KCNAB2: variants seen among roughly 807,000 people sequenced by gnomAD.
The protein encoded by KCNAB2 is potassium voltage-gated channel subfamily A regulatory beta subunit 2, also known as voltage-gated potassium channel subunit beta-2.
Under a neutral mutation model 63.6 loss-of-function variants are expected in KCNAB2, and 29 were observed. That is an observed-to-expected ratio of 0.46 (90% confidence interval 0.34 to 0.62). The LOEUF is 0.62. Ranked by LOEUF, KCNAB2 falls within the 20% of genes least tolerant of loss-of-function variation. The probability of loss-of-function intolerance (pLI) is 0.01; values close to 1 mark genes in which losing one functional copy is unlikely to be tolerated. For synonymous variants in KCNAB2, 222 were observed against 224.2 expected (o/e 0.99, Z 0.09); for missense variants, 359 against 563.9 (o/e 0.64, Z 3.68).
intron 1 of KCNAB2, among the ~76,000 whole-genome samples, chr1:6,051,155 A>G (rs1661347928): frequency 6.6e-6 from 1 of 152,180 alleles, no homozygotes; most frequent in Non-Finnish European, 1.5e-5. Flanking sequence ...CCTGGTCTTC[A>G]GCATTTGGGG....
intron 2 of KCNAB2, among the ~76,000 whole-genome samples, chr1:6,067,080 C>T (rs769908138): frequency 1.3e-5 from 2 of 152,172 alleles, no homozygotes; most frequent in Middle Eastern, 3.2e-3. Context: ...CAAAGGGTCC[C>T]GGGAGCAGGG....
At chr1:6,054,964 C>T (rs117351412) in intron 2 of KCNAB2, among the ~76,000 whole-genome samples, 4 of 152,214 alleles carry the variant, frequency 2.6e-5, no homozygotes, top group East Asian at 3.9e-4. Flanking sequence ...TTCCTTTTGA[C>T]TTAGTTATAG....
chr1:5,997,627 C>G (rs11578721), intron 1 of KCNAB2, among the ~76,000 whole-genome samples: 1 of 152,208 alleles, frequency 6.6e-6, no homozygotes, highest in African/African-American at 2.4e-5. Flanking sequence ...ATTGCAATCT[C>G]AGGCCCTGGT....
In KCNAB2 at chr1:6,003,429, CG is replaced by C. The variant is rs2102548803; in HGVS notation, c.-53+10642del. 6.6e-6 allele frequency among the ~76,000 whole-genome samples: 1 copy of C among 152,346 alleles called. No homozygotes were observed. Among genetic ancestry groups the C allele is most frequent in the Non-Finnish European group, 1.5e-5 (1 of 68,036 alleles). On this transcript the variant is annotated intron_variant, in intron 1 of 16. Coordinates refer to the KCNAB2 transcript ENST00000341524. The surrounding 1 kb of genome is among the most constrained non-coding windows in gnomAD (Gnocchi z 4.1). The stretch of plus-strand genomic sequence containing the variant: ...CGGCTGCCTTCAGCCCCTGCAGACA[CG>C]CAGGCACCGTCCACCTTCTCCACTC...
At chr1:6,085,081 C>T (rs1664580444) in intron 5 of KCNAB2, 123 bp from the exon 6 acceptor site, 1 of 1,001,562 alleles carries the variant, frequency 1.0e-6, no homozygotes, top group South Asian at 1.4e-5. Flanking sequence ...CGGGTGTTAA[C>T]AGCCTGGCTC....
intron 1 of KCNAB2, among the ~76,000 whole-genome samples, chr1:6,007,082 T>C (rs1657840783): frequency 6.6e-6 from 1 of 152,158 alleles, no homozygotes; most frequent in African/African-American, 2.4e-5. Context: ...TTTCTGTCCC[T>C]GTGGCGGACA....
At chr1:6,079,734 T>C (rs1664039017) in intron 4 of KCNAB2, among the ~76,000 whole-genome samples, 1 of 151,952 alleles carries the variant, frequency 6.6e-6, no homozygotes, top group Non-Finnish European at 1.5e-5. Flanking sequence ...GGAAGGGGAG[T>C]TACTGTTCAA....
intron 15 of KCNAB2, 45 bp from the exon 16 acceptor site, chr1:6,098,440 C>G: frequency 6.2e-7 from 1 of 1,610,124 alleles, no homozygotes; most frequent in South Asian, 1.1e-5. Flanking sequence ...AGGCCAGGCC[C>G]GTCTTGTTGG....
chr1:6,054,406 G>T (rs548452303), intron 2 of KCNAB2, among the ~76,000 whole-genome samples: 43 of 152,184 alleles, frequency 2.8e-4, no homozygotes, highest in Non-Finnish European at 4.9e-4. Flanking sequence ...AAGACGGGTG[G>T]GTTACATGAG....
intron 4 of KCNAB2, among the ~76,000 whole-genome samples, chr1:6,077,231 C>T (rs1663741666): frequency 6.6e-6 from 1 of 152,056 alleles, no homozygotes; most frequent in Non-Finnish European, 1.5e-5. Flanking sequence ...TGGGAAAGGC[C>T]CGTGACAGCC....
At chr1:6,094,956 T>C (rs188173943) in intron 11 of KCNAB2, among the ~76,000 whole-genome samples, 12 of 152,318 alleles carry the variant, frequency 7.9e-5, no homozygotes, top group Non-Finnish European at 2.9e-5. Flanking sequence ...ACCGGTGCCT[T>C]TACCAGGTGA....
chr1:6,006,652 C>A lies in KCNAB2; in HGVS notation c.-53+13864C>A, dbSNP rs373971650. ...CCACCCTCACCCCTCAGCTCAGGTC[C>A]CACATCCCCCACTTCACCCTCCACC... On this transcript the variant is annotated intron_variant, in intron 1 of 16. Coordinates refer to the KCNAB2 transcript ENST00000341524. Among the ~76,000 whole-genome samples the A allele has an allele frequency of 2.6e-3, 28 of 10,914 alleles. 4 individuals carry two copies. Among genetic ancestry groups the A allele is most frequent in the Admixed American group, 4.9e-3 (4 of 812 alleles). 7.2% of individuals were successfully genotyped at this position (10,914 alleles called of 152,430 possible). A position where few individuals can be genotyped will look rare whatever the true frequency, so the allele number is the denominator to read the frequency against.
intron 2 of KCNAB2, 57 bp downstream of exon 2, chr1:6,051,811 A>G: frequency 6.7e-7 from 1 of 1,493,906 alleles, no homozygotes; most frequent in East Asian, 2.5e-5. Flanking sequence ...CCATATAAAT[A>G]TGTATAAAAG....
rs1664691097 is a variant in KCNAB2 at position 6,086,298 on chromosome 1, T to C, written c.425+1050T>C. 1 of 984,756 alleles carries C rather than the reference T, an allele frequency of 1.0e-6. No individual in the cohort carries two copies. The highest frequency in any genetic ancestry group is 1.8e-5 in the African/African-American group (1 of 57,054). 61.0% of individuals were successfully genotyped at this position (984,756 alleles called of 1,614,324 possible). Reference sequence around the variant, plus strand: ...CCTTCCTCTTGTCCCATCAAATTTGTTTTTTGGCAACTCTGATCCCAAAAC... The same window carrying C: ...CCTTCCTCTTGTCCCATCAAATTTGCTTTTTGGCAACTCTGATCCCAAAAC... On this transcript the variant is annotated intron_variant, in intron 6 of 15. Coordinates refer to ENST00000378083, the MANE Select transcript of KCNAB2 (RefSeq NM_001199862.2). This position sits in a 1 kb window ranked among gnomAD's most constrained non-coding sequence, Gnocchi z 4.2.
intron 1 of KCNAB2, among the ~76,000 whole-genome samples, chr1:6,010,694 TGG>T (rs766751170): frequency 6.6e-6 from 1 of 152,154 alleles, no homozygotes; most frequent in Non-Finnish European, 1.5e-5. Context: ...ACACAGGAAA[TGG>T]GGAAGCCCAG....
In KCNAB2 at chr1:6,073,894, C is replaced by G; in HGVS notation, c.300+124C>G. 1 of 1,035,076 alleles carries G rather than the reference C, an allele frequency of 9.7e-7. No individual in the cohort carries two copies. The highest frequency in any genetic ancestry group is 1.5e-6 in the Non-Finnish European group (1 of 671,296). The allele number at this position is 1,035,076 out of a possible 1,614,324, so 64.1% of individuals were successfully genotyped here. ...AGCCAGCGCAGCAGCCTCCCTCCCTCTTTCTGTTTTGTGAGGGCGCCCTGC... is the reference window on the plus strand; with the variant it reads ...AGCCAGCGCAGCAGCCTCCCTCCCTGTTTCTGTTTTGTGAGGGCGCCCTGC... On this transcript the variant is annotated intron_variant, in intron 4 of 15. Transcript: ENST00000378083. The surrounding 1 kb of genome is among the most constrained non-coding windows in gnomAD (Gnocchi z 5.7).
intron 4 of KCNAB2, among the ~76,000 whole-genome samples, chr1:6,075,527 T>C (rs1443266274): frequency 6.6e-6 from 1 of 152,226 alleles, no homozygotes; most frequent in African/African-American, 2.4e-5. Context: ...TGAAAATGGC[T>C]TAGCAAAGGA....
At chr1:6,025,289 C>CG (rs1659072418) in intron 1 of KCNAB2, among the ~76,000 whole-genome samples, 1 of 152,094 alleles carries the variant, frequency 6.6e-6, no homozygotes, top group South Asian at 2.1e-4. Context: ...ATCACACACA[C>CG]GGGTGTGGCC....
upstream of KCNAB2, among the ~76,000 whole-genome samples, chr1:6,030,692 ATG>A (rs754643908): frequency 1.3e-3 from 179 of 142,590 alleles, 3 homozygotes; most frequent in African/African-American, 2.1e-3. Context: ...GTTTGTGTGT[ATG>A]TGTGTGTGTA....
Sources: gnomAD v4.1 joint callset for allele counts (sites outside exome capture counted in the v4.1 genomes callset) on GRCh38, gnomAD v4.1.1 for gene constraint, Gnocchi (gnomAD v3.1) non-coding constraint, MANE v1.5 for transcripts, NCBI Gene and HGNC (gene_info 2026-07-23, HGNC 2026-07-21) for gene names.